SPTLC1: variants seen among roughly 807,000 people sequenced by gnomAD.
The protein encoded by SPTLC1 is serine palmitoyltransferase 1.
SPTLC1 carries 55 observed loss-of-function variants against 68.9 expected under a neutral mutation model. That is an observed-to-expected ratio of 0.80 (90% CI 0.64 to 1.00). The LOEUF (loss-of-function observed/expected upper bound fraction) is 1.00, where lower values mean the gene tolerates loss of function less well. Among genes scored for constraint, SPTLC1 ranks in the 50% least tolerant of loss-of-function variants. SPTLC1 has a pLI of 0.00. For missense variants in SPTLC1, 449 were observed against 573.1 expected (o/e 0.78, Z 2.21); for synonymous variants, 197 against 201.6 (o/e 0.98, Z 0.19).
intron 14 of SPTLC1, among the ~76,000 whole-genome samples, chr9:92,034,065 C>T (rs1415758282): frequency 6.6e-6 from 1 of 152,204 alleles, no homozygotes; most frequent in African/African-American, 2.4e-5. Flanking sequence ...CCACTGAAAA[C>T]CCTGAGCAAA....
At chr9:92,079,022 T>C in intron 5 of SPTLC1, 4 of 962,588 alleles carry the variant, frequency 4.2e-6, no homozygotes, top group Non-Finnish European at 4.9e-6. Flanking sequence ...CCCCACACTG[T>C]GTCATTTTAT....
chr9:92,080,096 G>A lies in SPTLC1; in HGVS notation c.355-8C>T. ...AGATGCTAAAGCTGCTGCCTTTATT[G>A]AAGTACAAGAATTATACTTTAATAA... On this transcript the variant is annotated splice_polypyrimidine_tract_variant and splice_region_variant and intron_variant, in intron 4 of 14. Transcript: ENST00000262554. 1.2e-6 allele frequency: 2 copies of A among 1,604,930 alleles called. No individual in the cohort carries two copies. The highest frequency in any genetic ancestry group is 1.1e-5 in the South Asian group (1 of 90,914).
chr9:92,088,096 G>A (rs1009014210), intron 3 of SPTLC1, among the ~76,000 whole-genome samples: 9 of 152,224 alleles, frequency 5.9e-5, no homozygotes, highest in South Asian at 4.1e-4. Context: ...TAAGCGTGTC[G>A]GAAAAGCGCA....
intron 3 of SPTLC1, among the ~76,000 whole-genome samples, chr9:92,094,876 A>G (rs946703366): frequency 6.6e-6 from 1 of 152,172 alleles, no homozygotes; most frequent in African/African-American, 2.4e-5. Context: ...GCCCGCCACC[A>G]CGAAGTTCAC....
Position 92,068,054 on chromosome 9 carries a change from T to G in SPTLC1, c.472A>C (p.Thr158Pro). ...LEDRLAKFMK[T>P]EEAIIYSYGF... ...TATGAGTATATAATGGCTTCTTCTGTCTTCATAAATTTTGCCAGGCGGTCT... is the reference window on the plus strand; with the variant it reads ...TATGAGTATATAATGGCTTCTTCTGGCTTCATAAATTTTGCCAGGCGGTCT... The change falls in exon 6 of 15, where the codon ACA (threonine) becomes CCA (proline). Residue 158 changes from threonine (T) to proline (P), a missense_variant. By Grantham distance (38) the Thr-to-Pro change is conservative. Around this residue, in one of 3 missense-constraint regions of SPTLC1, gnomAD observed 391 missense variants for 472.1 expected, o/e 0.83. Coordinates refer to ENST00000262554, the MANE Select transcript of SPTLC1 (RefSeq NM_006415.4). 6.2e-7 allele frequency: 1 copy of G among 1,614,104 alleles called. No homozygotes were observed. The highest frequency in any genetic ancestry group is 2.2e-5 in the East Asian group (1 of 44,844).
At chr9:92,052,629 A>T (rs1267528197) in intron 8 of SPTLC1, among the ~76,000 whole-genome samples, 1 of 151,864 alleles carries the variant, frequency 6.6e-6, no homozygotes, top group South Asian at 2.1e-4. Flanking sequence ...TCCCAGGTTC[A>T]AGCAATTCTC....
intron 11 of SPTLC1, chr9:92,046,382 C>G (rs1325096720): frequency 4.1e-6 from 1 of 246,828 alleles, no homozygotes; most frequent in East Asian, 8.0e-5. Flanking sequence ...TTATCCTAAA[C>G]AATTTGGTAA....
chr9:92,052,417 AAAAATG>A (rs1833731139), intron 8 of SPTLC1, among the ~76,000 whole-genome samples: 1 of 152,248 alleles, frequency 6.6e-6, no homozygotes, highest in African/African-American at 2.4e-5. Flanking sequence ...ACGCATACGC[AAAAATG>A]AACTCAAATG....
intron 12 of SPTLC1, among the ~76,000 whole-genome samples, chr9:92,043,667 C>T (rs1833420501): frequency 6.6e-6 from 1 of 152,230 alleles, no homozygotes; most frequent in Admixed American, 6.5e-5. Flanking sequence ...AGAATCCAGA[C>T]ACTTCGCAGG....
At chr9:92,051,334 T>C (rs780619494) in intron 8 of SPTLC1, 4 of 855,860 alleles carry the variant, frequency 4.7e-6, no homozygotes, top group Non-Finnish European at 5.6e-6. Context: ...ATCAAATATG[T>C]ATTACATACA....
At chr9:92,078,849 A>G (rs955888076) in intron 5 of SPTLC1, among the ~76,000 whole-genome samples, 3 of 152,240 alleles carry the variant, frequency 2.0e-5, no homozygotes, top group African/African-American at 4.8e-5. Context: ...TTTCCAAGAC[A>G]AATAATGTAA....
At chr9:92,105,965 G>A (rs1279495002) in intron 3 of SPTLC1, among the ~76,000 whole-genome samples, 19 of 142,242 alleles carry the variant, frequency 1.3e-4, no homozygotes, top group East Asian at 8.7e-4. Context: ...CCTGGCCGCC[G>A]TCCCATCTGG....
chr9:92,077,542 G>C (rs890815518), intron 5 of SPTLC1, among the ~76,000 whole-genome samples: 1 of 151,900 alleles, frequency 6.6e-6, no homozygotes, highest in African/African-American at 2.4e-5. Context: ...TCCTGAAGTC[G>C]CAAGTACTCT....
intron 11 of SPTLC1, among the ~76,000 whole-genome samples, chr9:92,046,490 T>C (rs910205638): frequency 4.6e-5 from 7 of 152,182 alleles, no homozygotes; most frequent in African/African-American, 7.2e-5. Flanking sequence ...GATCAGAAGG[T>C]AGGCGTGCCA....
rs189061861 is a variant in SPTLC1, at chr9:92,090,112, G to A, written c.261-9149C>T. ...AATTTTAAGCGCAAAGAAGCTGCAC[G>A]GATAAAGAAAGAAATACCTAAAGAC... is the stretch of plus-strand genomic sequence containing the variant. On this transcript the variant is annotated intron_variant, in intron 3 of 14. Transcript: ENST00000262554. Among the ~76,000 whole-genome samples, 454 of 152,280 alleles carry A rather than the reference G, an allele frequency of 3.0e-3. 3 individuals carry two copies. The highest frequency in any genetic ancestry group is 0.01 in the African/African-American group (427 of 41,566).
At chr9:92,082,973 C>T (rs1834948153) in intron 3 of SPTLC1, among the ~76,000 whole-genome samples, 1 of 152,052 alleles carries the variant, frequency 6.6e-6, no homozygotes, top group South Asian at 2.1e-4. Flanking sequence ...TTTTGATTTG[C>T]ATTTCTCTCA....
rs141292904 is a variant in SPTLC1, at chr9:92,032,476, C to T, written c.1411G>A (p.Val471Ile). The T allele has an allele frequency of 4.9e-4, 798 of 1,614,186 alleles. 4 individuals carry two copies. In the African/African-American group the frequency reaches 9.2e-3, roughly 19 times the overall value. ...ASTIKEVAQAVLL is the reference protein window; with the variant it reads ...ASTIKEVAQAILL ...TCCCGGGACTCTGCCTAGAGCAGGA[C>T]GGCCTGGGCTACCTCCTTGATGGTG... The change falls in exon 15 of 15, where the codon GTC becomes ATC. Residue 471 changes from valine (V) to isoleucine (I), a missense_variant. Transcript: ENST00000262554.
chr9:92,079,816 G>A (rs779483208), intron 5 of SPTLC1, 200 bp downstream of exon 5: 50 of 659,392 alleles, frequency 7.6e-5, no homozygotes, highest in Non-Finnish European at 1.2e-4. Flanking sequence ...CACCATGCCC[G>A]GCTAATTTTA....
intron 6 of SPTLC1, among the ~76,000 whole-genome samples, chr9:92,064,406 A>T (rs879662557): frequency 1.3e-5 from 2 of 152,204 alleles, no homozygotes; most frequent in Non-Finnish European, 2.9e-5. Context: ...CCATCAGAAA[A>T]ATATAAATTT....
Sources: gnomAD v4.1 joint callset for allele counts (sites outside exome capture counted in the v4.1 genomes callset) on GRCh38, gnomAD v4.1.1 for gene constraint, gnomAD v4.1.1 regional missense constraint, MANE v1.5 for transcripts, NCBI Gene and HGNC (gene_info 2026-07-23, HGNC 2026-07-21) for gene names.